Variants in ITPKC observed in about 807,000 individuals in gnomAD.
ITPKC encodes the protein IP3 3-kinase C.
A neutral mutation model predicts 67.1 loss-of-function variants in ITPKC; 33 were observed. The ratio of observed to expected loss-of-function variants is 0.49; its 90% CI spans 0.37 to 0.66. The LOEUF is 0.66. Ranked by LOEUF, ITPKC falls within the 30% of genes least tolerant of loss-of-function variation. ITPKC has a pLI of 0.00. For missense variants in ITPKC, 820 were observed against 892.1 expected (o/e 0.92, Z 1.03); for synonymous variants, 341 against 359.8 (o/e 0.95, Z 0.59).
At chr19:40,733,964 T>G (rs1487573089) in intron 4 of ITPKC, among the ~76,000 whole-genome samples, 3 of 152,172 alleles carry the variant, frequency 2.0e-5, no homozygotes, top group Admixed American at 2.0e-4. Context: ...AAAGGGTAAA[T>G]GTGGAGAAAT....
intron 3 of ITPKC, 40 bp from the exon 4 acceptor site, chr19:40,733,120 T>C (rs1440589336): frequency 1.9e-6 from 3 of 1,581,106 alleles, no homozygotes; most frequent in Non-Finnish European, 2.6e-6. Context: ...CTCCAGTTTG[T>C]TCTACATAAT....
chr19:40,728,718 C>A (rs1189107734), intron 2 of ITPKC, among the ~76,000 whole-genome samples: 1 of 152,186 alleles, frequency 6.6e-6, no homozygotes, highest in Non-Finnish European at 1.5e-5. Context: ...TCCTTACCAA[C>A]CCCTGGGCAA....
At chr19:40,728,574 C>T (rs917089351) in intron 2 of ITPKC, among the ~76,000 whole-genome samples, 7 of 152,292 alleles carry the variant, frequency 4.6e-5, no homozygotes, top group South Asian at 2.1e-4. Flanking sequence ...TGGAGAGTGA[C>T]GCTCTGGACT....
rs1307587149 is a variant in ITPKC, at chr19:40,718,023, A to T, written c.888A>T (p.Gly296=). 1 of 1,614,134 alleles carries T rather than the reference A, an allele frequency of 6.2e-7. No individual in the cohort carries two copies. Among genetic ancestry groups the T allele is most frequent in the East Asian group, 2.2e-5 (1 of 44,876 alleles). ...QTAPGTDCLL[G]EPEDGPLEEP... ...CACCTGGGACAGACTGCCTCTTGGGAGAGCCTGAGGATGGCCCATTAGAGG... is the reference window on the plus strand; with the variant it reads ...CACCTGGGACAGACTGCCTCTTGGGTGAGCCTGAGGATGGCCCATTAGAGG... The change falls in exon 1 of 7, where the codon GGA becomes GGT. Residue 296 remains glycine (G), a synonymous_variant. Coordinates refer to ENST00000263370, the MANE Select transcript of ITPKC (RefSeq NM_025194.3).
rs368969075 is a variant in ITPKC, at chr19:40,717,437, G to C, written c.302G>C (p.Gly101Ala). 18 of 1,613,890 alleles carry C rather than the reference G, an allele frequency of 1.1e-5. No individual in the cohort carries two copies. The African/African-American group carries it at 2.3e-4, about 20-fold the overall frequency. Residue 101 changes from glycine to alanine, a missense_variant, in exon 1 of 7, where the codon GGC (glycine) becomes GCC (alanine). Gly to Ala is a moderately conservative substitution (Grantham distance 60). Around this residue, in one of 2 missense-constraint regions of ITPKC, gnomAD observed 481 missense variants for 470.1 expected, o/e 1.02. Coordinates refer to ENST00000263370, the MANE Select transcript of ITPKC (RefSeq NM_025194.3). Reference protein sequence around the residue: ...TDGQTEPAAAGLGVETERPKQ... With the variant: ...TDGQTEPAAAALGVETERPKQ... Reference sequence around the variant, plus strand: ...GGACAGACTGAGCCCGCGGCAGCTGGCCTTGGAGTAGAGACCGAGAGGCCC... The same window carrying C: ...GGACAGACTGAGCCCGCGGCAGCTGCCCTTGGAGTAGAGACCGAGAGGCCC...
chr19:40,722,977 T>A (rs550234962), intron 1 of ITPKC, among the ~76,000 whole-genome samples: 7 of 147,618 alleles, frequency 4.7e-5, no homozygotes, highest in Admixed American at 2.0e-4. Flanking sequence ...TTATTTATTT[T>A]TTGAGATGGA....
In ITPKC at chr19:40,733,033, G is replaced by A. The variant is rs1191654117; in HGVS notation, c.1470-127G>A. 7 of 730,622 alleles carry A rather than the reference G, an allele frequency of 9.6e-6. No individual in the cohort carries two copies. The African/African-American group carries it at 1.2e-4, about 13-fold the overall frequency. The allele number at this position is 730,622 out of a possible 1,614,324, so 45.3% of individuals were successfully genotyped here. Reference sequence around the variant, plus strand: ...CTACGTGTGTGTCTTTGTGGACTCTGTTGTATTCTGTGCATTGATTTGCCC... The same window carrying A: ...CTACGTGTGTGTCTTTGTGGACTCTATTGTATTCTGTGCATTGATTTGCCC... On this transcript the variant is annotated intron_variant, in intron 3 of 6. Coordinates refer to ENST00000263370, the MANE Select transcript of ITPKC (RefSeq NM_025194.3).
At chr19:40,722,649 G>A (rs1283778966) in intron 1 of ITPKC, among the ~76,000 whole-genome samples, 2 of 152,208 alleles carry the variant, frequency 1.3e-5, no homozygotes, top group Non-Finnish European at 2.9e-5. Flanking sequence ...CTTGTGGGGT[G>A]CAGAATGTAT....
At chr19:40,728,026 G>T (rs1000455571) in intron 2 of ITPKC, among the ~76,000 whole-genome samples, 3 of 152,158 alleles carry the variant, frequency 2.0e-5, no homozygotes, top group African/African-American at 7.2e-5. Flanking sequence ...AATTCTATAA[G>T]AGCAGGATCA....
At chr19:40,729,807 C>T (rs753084071) in intron 3 of ITPKC, among the ~76,000 whole-genome samples, 3 of 152,058 alleles carry the variant, frequency 2.0e-5, no homozygotes, top group Non-Finnish European at 4.4e-5. Flanking sequence ...AGCGCCAAGT[C>T]CATTTTCAAA....
chr19:40,740,265 C>T lies in ITPKC; in HGVS notation c.*705C>T, dbSNP rs1055210294. 1 of 153,352 alleles carries T rather than the reference C, an allele frequency of 6.5e-6. No individual in the cohort carries two copies. The highest frequency in any genetic ancestry group is 1.5e-5 in the Non-Finnish European group (1 of 68,578). The allele number at this position is 153,352 out of a possible 1,614,324, so 9.5% of individuals were successfully genotyped here. On this transcript the variant is annotated 3_prime_UTR_variant, in exon 7 of 7. Coordinates refer to ENST00000263370, the MANE Select transcript of ITPKC (RefSeq NM_025194.3). ...TGCAGACCCAAACCACAGCCACATC[C>T]CAGCTTCTGTGCCAGCACTGTGACA...
chr19:40,721,451 A>G (rs553347773), intron 1 of ITPKC, among the ~76,000 whole-genome samples: 2 of 151,428 alleles, frequency 1.3e-5, no homozygotes, highest in South Asian at 4.2e-4. Flanking sequence ...GTTCACTGCA[A>G]CCTCAGCCTC....
chr19:40,720,696 C>T (rs919274961), intron 1 of ITPKC, among the ~76,000 whole-genome samples: 14 of 152,012 alleles, frequency 9.2e-5, no homozygotes, highest in African/African-American at 3.1e-4. Flanking sequence ...CCAGAATCGA[C>T]TTCCTTCCCT....
At chr19:40,728,848 T>C (rs1336798552) in intron 2 of ITPKC, among the ~76,000 whole-genome samples, 3 of 151,904 alleles carry the variant, frequency 2.0e-5, no homozygotes. Flanking sequence ...ACCAACAAGG[T>C]GAAACCCTGT....
Position 40,739,783 on chromosome 19 carries a change from G to A in ITPKC, c.*223G>A, listed in dbSNP as rs536830822. 1 of 571,958 alleles carries A rather than the reference G, an allele frequency of 1.7e-6. No homozygotes were observed. The highest frequency in any genetic ancestry group is 3.1e-6 in the Non-Finnish European group (1 of 321,182). The allele number at this position is 571,958 out of a possible 1,614,324, so 35.4% of individuals were successfully genotyped here. On this transcript the variant is annotated 3_prime_UTR_variant, in exon 7 of 7. Transcript: ENST00000263370. The stretch of plus-strand genomic sequence containing the variant: ...ATGCAGGGGTTTTGGGGACCTGGAA[G>A]GAAGGTGATGAGGCAGTGAGTCAGA...
intron 6 of ITPKC, 133 bp from the exon 7 acceptor site, chr19:40,739,224 G>C: frequency 1.6e-6 from 1 of 641,058 alleles, no homozygotes; most frequent in Non-Finnish European, 2.7e-6. Context: ...ACAGGAGGTG[G>C]CACAGCCAGG....
chr19:40,732,025 G>A (rs1326334191), intron 3 of ITPKC, among the ~76,000 whole-genome samples: 4 of 151,776 alleles, frequency 2.6e-5, no homozygotes, highest in Middle Eastern at 3.5e-3. Flanking sequence ...ATCACTTGAG[G>A]CCAGTTCAAG....
At chr19:40,731,198 G>A (rs1355292747) in intron 3 of ITPKC, among the ~76,000 whole-genome samples, 1 of 152,180 alleles carries the variant, frequency 6.6e-6, no homozygotes, top group South Asian at 2.1e-4. Flanking sequence ...TAGGAACGGG[G>A]CCCCACCGTA....
chr19:40,731,588 A>G (rs1056761217), intron 3 of ITPKC, among the ~76,000 whole-genome samples: 1 of 141,688 alleles, frequency 7.1e-6, no homozygotes, highest in African/African-American at 2.6e-5. Context: ...CCTGAGCCCA[A>G]TCCTTGGTTT....
Sources: allele counts gnomAD v4.1 joint callset (sites outside exome capture counted in the v4.1 genomes callset), GRCh38; gene constraint gnomAD v4.1.1; regional missense constraint gnomAD v4.1.1; transcripts MANE v1.5; gene names NCBI Gene and HGNC (gene_info 2026-07-23, HGNC 2026-07-21).